The following ASCC1 variants were observed in gnomAD, a reference collection of about 807,000 sequenced individuals.
The protein encoded by ASCC1 is activating signal cointegrator 1 complex subunit 1, also known as ASC-1 complex subunit P50.
ASCC1 carries 35 observed loss-of-function variants against 46.6 expected under a neutral mutation model. The ratio of observed to expected loss-of-function variants is 0.75; its 90% CI spans 0.57 to 0.99. ASCC1 has a LOEUF of 0.99. Among genes scored for constraint, ASCC1 ranks in the 50% least tolerant of loss-of-function variants. The pLI, the probability that ASCC1 is intolerant of heterozygous loss-of-function variation, is 0.00. For synonymous variants in ASCC1, 143 were observed against 146.6 expected, an observed-to-expected ratio of 0.98 and a Z score of 0.18; for missense variants, 376 against 428.7, an observed-to-expected ratio of 0.88 and a Z score of 1.09.
chr10:72,213,260 G>A lies in ASCC1; in HGVS notation c.39C>T (p.Gly13=), dbSNP rs767782046. 72 of 1,613,664 alleles carry A rather than the reference G, an allele frequency of 4.5e-5. No individual in the cohort carries two copies. The highest frequency in any genetic ancestry group is 5.6e-5 in the Non-Finnish European group (66 of 1,179,854). The change falls in exon 2 of 10, where the codon GGC becomes GGT. Residue 13 remains glycine (G), a synonymous_variant. Coordinates refer to ENST00000672957, the MANE Select transcript of ASCC1 (RefSeq NM_001198800.3). ...VLRPQLIRID[G]RNYRKNPVQE... is the part of the protein sequence containing the mutation. Reference sequence around the variant, plus strand: ...GGACTGGATTCTTCCTGTAATTCCGGCCATCAATTCTTATAAGCTGTGGAC... The same window carrying A: ...GGACTGGATTCTTCCTGTAATTCCGACCATCAATTCTTATAAGCTGTGGAC...
At chr10:72,174,286 C>T (rs1016711583) in intron 5 of ASCC1, among the ~76,000 whole-genome samples, 1 of 152,182 alleles carries the variant, frequency 6.6e-6, no homozygotes, top group Non-Finnish European at 1.5e-5. Context: ...TAATCCAGCA[C>T]CCTGGGCTCG....
chr10:72,188,203 C>T (rs1333874820), intron 5 of ASCC1, among the ~76,000 whole-genome samples: 1 of 147,642 alleles, frequency 6.8e-6, no homozygotes, highest in African/African-American at 2.5e-5. Flanking sequence ...ACTGCAGCCT[C>T]TACCTTCTGG....
chr10:72,105,534 T>C (rs1314254047), intron 9 of ASCC1, among the ~76,000 whole-genome samples: 2 of 152,220 alleles, frequency 1.3e-5, no homozygotes, highest in African/African-American at 4.8e-5. Context: ...AAACTTTTCC[T>C]ATCACCAAGT....
At chr10:72,144,337 G>T (rs1041666004) in intron 7 of ASCC1, among the ~76,000 whole-genome samples, 6 of 152,064 alleles carry the variant, frequency 3.9e-5, no homozygotes, top group African/African-American at 1.4e-4. Context: ...TTCTTTTGGT[G>T]TTTGCCTCAT....
At chr10:72,146,248 C>A (rs998606696) in intron 7 of ASCC1, among the ~76,000 whole-genome samples, 2 of 152,100 alleles carry the variant, frequency 1.3e-5, no homozygotes, top group African/African-American at 4.8e-5. Context: ...ATGACAGAAG[C>A]GCTATGGTCT....
In ASCC1 at chr10:72,152,946, C is replaced by T. The variant is rs1473157283; in HGVS notation, c.669G>A (p.Gly223=). Residue 223 remains glycine (G), a synonymous_variant, in exon 7 of 10, where the codon GGG becomes GGA. Transcript: ENST00000672957. ...CAGGATCATCATTCATGTATTCTAT[C>T]CCTGCCATCTCCACTTCTAGGGGTT... ...GGKPLEVEMA[G]IEYMNDDPGM... The T allele has an allele frequency of 6.2e-7, 1 of 1,613,972 alleles. No homozygotes were observed. The highest frequency in any genetic ancestry group is 8.5e-7 in the Non-Finnish European group (1 of 1,180,002).
intron 3 of ASCC1, among the ~76,000 whole-genome samples, chr10:72,208,188 T>G (rs970123624): frequency 6.6e-6 from 1 of 152,094 alleles, no homozygotes; most frequent in Admixed American, 6.6e-5. Context: ...TAATTTAACA[T>G]GCAAGTCACT....
chr10:72,214,623 C>T (rs1438160234), intron 1 of ASCC1, among the ~76,000 whole-genome samples: 2 of 151,966 alleles, frequency 1.3e-5, no homozygotes, highest in Admixed American at 6.6e-5. Context: ...GTGATCCACC[C>T]GCCTCAGTCT....
chr10:72,102,414 T>C lies in ASCC1; in HGVS notation c.958-4964A>G, dbSNP rs963680335. On this transcript the variant is annotated intron_variant, in intron 9 of 9. Transcript: ENST00000672957. ...TCTGAGAATATGCATCAGAGACACC[T>C]GTAGCACAGTTAAGTGGAAACAGAT... is the stretch of plus-strand genomic sequence containing the variant. The C allele has an allele frequency of 1.8e-5, 28 of 1,549,302 alleles. No individual in the cohort carries two copies. The African/African-American group carries it at 3.2e-4, about 17-fold the overall frequency.
chr10:72,172,737 ATT>A (rs1310073476), intron 5 of ASCC1, among the ~76,000 whole-genome samples: 4 of 135,158 alleles, frequency 3.0e-5, no homozygotes, highest in East Asian at 2.0e-4. Flanking sequence ...TATTATATAT[ATT>A]ACATATATTA....
intron 9 of ASCC1, among the ~76,000 whole-genome samples, chr10:72,124,881 T>C (rs757136758): frequency 2.6e-5 from 4 of 152,176 alleles, no homozygotes; most frequent in Non-Finnish European, 5.9e-5. Flanking sequence ...TAACCAAATA[T>C]GTTTGTTCTT....
At chr10:72,103,780 G>A (rs3780945) in intron 9 of ASCC1, among the ~76,000 whole-genome samples, 19,937 of 151,968 alleles carry the variant, frequency 0.13, 2,342 homozygotes, top group African/African-American at 0.31. Context: ...AAAAGAATCC[G>A]AACAAACAGG....
At chr10:72,101,271 CTGTA>C (rs1419148424) in intron 9 of ASCC1, among the ~76,000 whole-genome samples, 1 of 152,116 alleles carries the variant, frequency 6.6e-6, no homozygotes, top group African/African-American at 2.4e-5. Flanking sequence ...GTGTAGCTTT[CTGTA>C]TGTATGTTCT....
chr10:72,139,991 G>A (rs975157363), intron 7 of ASCC1, among the ~76,000 whole-genome samples: 6 of 152,200 alleles, frequency 3.9e-5, no homozygotes, highest in Non-Finnish European at 7.3e-5. Context: ...TAATTTAAAA[G>A]TGGAAGAGAT....
intron 9 of ASCC1, among the ~76,000 whole-genome samples, chr10:72,115,250 A>C (rs1196646792): frequency 6.6e-6 from 1 of 152,204 alleles, no homozygotes. Flanking sequence ...AAACAGTTCC[A>C]AAAAAGTTTC....
intron 5 of ASCC1, among the ~76,000 whole-genome samples, chr10:72,187,267 G>A (rs1395062999): frequency 1.3e-5 from 2 of 152,280 alleles, no homozygotes; most frequent in East Asian, 3.9e-4. Context: ...TCATAGATAT[G>A]GCCTTATTTA....
At position 72,096,896 on chromosome 10, in the gene ASCC1, C is replaced by T. The variant is rs12255597; in HGVS notation, c.*438G>A. ...GAGACAGAAAGCAGAATGGTGGCTG[C>T]GGGGGCTGGGAGGAGTGGGAATTAC... On this transcript the variant is annotated 3_prime_UTR_variant, in exon 10 of 10. Transcript: ENST00000672957. 1,696 of 453,934 alleles carry T rather than the reference C, an allele frequency of 3.7e-3. 21 individuals are homozygous for T. The highest frequency in any genetic ancestry group is 0.031 in the African/African-American group (1,533 of 50,058). The allele number at this position is 453,934 out of a possible 1,614,324, so 28.1% of individuals were successfully genotyped here.
At chr10:72,112,539 AC>A (rs1347251915) in intron 9 of ASCC1, among the ~76,000 whole-genome samples, 1 of 152,208 alleles carries the variant, frequency 6.6e-6, no homozygotes, top group African/African-American at 2.4e-5. Context: ...TGAATTGTAC[AC>A]TTAAAAATGG....
chr10:72,147,162 T>C (rs1474285484), intron 7 of ASCC1, among the ~76,000 whole-genome samples: 1 of 151,306 alleles, frequency 6.6e-6, no homozygotes, highest in African/African-American at 2.4e-5. Flanking sequence ...GAATAGACAA[T>C]AGAAAAGAAA....
Sources: allele counts gnomAD v4.1 joint callset (sites outside exome capture counted in the v4.1 genomes callset), GRCh38; gene constraint gnomAD v4.1.1; transcripts MANE v1.5; gene names NCBI Gene and HGNC (gene_info 2026-07-23, HGNC 2026-07-21).